The following MACC1 variants were observed in gnomAD, a reference collection of about 807,000 sequenced individuals.
The protein encoded by MACC1 is metastasis-associated in colon cancer protein 1.
MACC1 carries 79 observed loss-of-function variants against 70.7 expected under a neutral mutation model. That is an observed-to-expected ratio of 1.12 (90% CI 0.93 to 1.35). The LOEUF (loss-of-function observed/expected upper bound fraction) is 1.35, where lower values mean the gene tolerates loss of function less well. MACC1 is among the 40% of genes most tolerant of loss of function. The pLI is 0.00. For missense variants in MACC1, 1,106 were observed against 978.1 expected (o/e 1.13, Z -1.74); for synonymous variants, 361 against 347.2 (o/e 1.04, Z -0.44).
intron 1 of MACC1, among the ~76,000 whole-genome samples, chr7:20,207,340 C>T (rs112326842): frequency 0.012 from 1,811 of 150,870 alleles, 45 homozygotes; most frequent in African/African-American, 0.042. Flanking sequence ...TTAGTAGAGA[C>T]GGGGTTTCAC....
intron 1 of MACC1, among the ~76,000 whole-genome samples, chr7:20,188,294 G>C (rs1350440832): frequency 3.3e-5 from 5 of 152,108 alleles, no homozygotes; most frequent in African/African-American, 4.8e-5. Context: ...TTGACTTCCT[G>C]TATTTGAACC....
intron 1 of MACC1, among the ~76,000 whole-genome samples, chr7:20,193,236 G>A (rs1009836248): frequency 2.6e-5 from 4 of 152,216 alleles, no homozygotes; most frequent in African/African-American, 9.6e-5. Flanking sequence ...TAACCTAAAT[G>A]TTTGGTAATG....
chr7:20,201,561 TAGC>T (rs1344391789), intron 1 of MACC1, among the ~76,000 whole-genome samples: 1 of 152,158 alleles, frequency 6.6e-6, no homozygotes, highest in African/African-American at 2.4e-5. Context: ...ACTTGAACTT[TAGC>T]CTAAAGAAGA....
intron 3 of MACC1, among the ~76,000 whole-genome samples, chr7:20,163,240 A>C (rs1429509987): frequency 1.3e-5 from 2 of 152,238 alleles, no homozygotes; most frequent in Non-Finnish European, 2.9e-5. Context: ...ATTTTTACCT[A>C]TGAAATTTGC....
intron 2 of MACC1, among the ~76,000 whole-genome samples, chr7:20,166,693 TA>T (rs1782225215): frequency 6.6e-6 from 1 of 152,218 alleles, no homozygotes; most frequent in Non-Finnish European, 1.5e-5. Flanking sequence ...CATTAAGCGG[TA>T]TTAGAAATCC....
chr7:20,188,429 T>C (rs1175850248), intron 1 of MACC1, among the ~76,000 whole-genome samples: 2 of 152,332 alleles, frequency 1.3e-5, no homozygotes, highest in East Asian at 1.9e-4. Flanking sequence ...GTAAAAACTC[T>C]CTTGCATCTC....
At chr7:20,162,055 A>C (rs1457734488) in intron 3 of MACC1, among the ~76,000 whole-genome samples, 185 bp from the exon 4 acceptor site, 2 of 152,078 alleles carry the variant, frequency 1.3e-5, no homozygotes, top group African/African-American at 4.8e-5. Context: ...ACTCCACTAA[A>C]AAATGATCAA....
chr7:20,176,309 G>T (rs1409227887), intron 1 of MACC1, among the ~76,000 whole-genome samples: 1 of 151,902 alleles, frequency 6.6e-6, no homozygotes, highest in African/African-American at 2.4e-5. Context: ...AAATAAAAGA[G>T]AAGTCTATAC....
intron 1 of MACC1, among the ~76,000 whole-genome samples, chr7:20,213,609 A>G (rs1323009373): frequency 5.3e-5 from 8 of 152,190 alleles, no homozygotes; most frequent in African/African-American, 1.9e-4. Context: ...AAAGAACAAG[A>G]TCATGTATTT....
intron 6 of MACC1, chr7:20,153,418 C>T (rs1387965799): frequency 6.6e-6 from 1 of 152,198 alleles, no homozygotes; most frequent in Non-Finnish European, 1.5e-5. Context: ...TTTCCTTAAA[C>T]ATAAATATCT....
chr7:20,186,632 G>T (rs1036091545), intron 1 of MACC1, among the ~76,000 whole-genome samples: 1 of 151,162 alleles, frequency 6.6e-6, no homozygotes, highest in African/African-American at 2.4e-5. Context: ...AATGTCTAAG[G>T]AATTAGTTTG....
chr7:20,158,544 A>G lies in MACC1; in HGVS notation c.1817T>C (p.Ile606Thr), dbSNP rs779262511. The change falls in exon 5 of 7, where the codon ATT becomes ACT. Residue 606 changes from isoleucine (I) to threonine (T), a missense_variant. Coordinates refer to ENST00000400331, the MANE Select transcript of MACC1 (RefSeq NM_182762.4). ...EWYVGVLRGKIGLVHCKNVKV... is the reference protein window; with the variant it reads ...EWYVGVLRGKTGLVHCKNVKV... The stretch of plus-strand genomic sequence containing the variant: ...GACATTTTTGCAGTGTACAAGTCCA[A>G]TCTTACCTCTGAGGACTCCTACATA... 5.0e-6 allele frequency: 8 copies of G among 1,614,010 alleles called. No individual in the cohort carries two copies. Among genetic ancestry groups the G allele is most frequent in the African/African-American group, 2.7e-5 (2 of 74,934 alleles).
rs1478090608 is a variant in MACC1, at chr7:20,164,267, C to G, written c.-20G>C. 2.0e-5 allele frequency: 3 copies of G among 152,186 alleles called. No individual in the cohort carries two copies. Among genetic ancestry groups the G allele is most frequent in the Admixed American group, 1.3e-4 (2 of 15,268 alleles). The allele number at this position is 152,186 out of a possible 1,614,324, so 9.4% of individuals were successfully genotyped here. A position where few individuals can be genotyped will look rare whatever the true frequency, so the allele number is the denominator to read the frequency against. On this transcript the variant is annotated 5_prime_UTR_variant, in exon 3 of 7. Transcript: ENST00000400331. ...ACTTTAAACCTTACTTTTTGTTCTC[C>G]TTTGTGTGTGTTGACCACATCTCGT...
chr7:20,171,303 G>C (rs954036076), intron 1 of MACC1, among the ~76,000 whole-genome samples: 1 of 151,076 alleles, frequency 6.6e-6, no homozygotes, highest in Non-Finnish European at 1.5e-5. Flanking sequence ...CCAGGCTGGA[G>C]TGCAGTGGCG....
intron 6 of MACC1, chr7:20,141,892 G>T (rs1353435044): frequency 6.6e-6 from 1 of 151,790 alleles, no homozygotes; most frequent in Non-Finnish European, 1.5e-5. Context: ...AGGGAGAATA[G>T]AGACAAAGGC....
In MACC1 at chr7:20,137,112, G is replaced by C. The variant is rs1186039557; in HGVS notation, c.*3834C>G. Reference sequence around the variant, plus strand: ...TTTATATTACCTCAAAAATTCCTTAGATATAAACAATTACAGAAAACATAA... The same window carrying C: ...TTTATATTACCTCAAAAATTCCTTACATATAAACAATTACAGAAAACATAA... On this transcript the variant is annotated 3_prime_UTR_variant, in exon 7 of 7. Transcript: ENST00000400331. 6.6e-6 allele frequency: 1 copy of C among 151,802 alleles called. No homozygotes were observed. Among genetic ancestry groups the C allele is most frequent in the East Asian group, 1.9e-4 (1 of 5,196 alleles). 9.4% of individuals were successfully genotyped at this position (151,802 alleles called of 1,614,324 possible). A position where few individuals can be genotyped will look rare whatever the true frequency, so the allele number is the denominator to read the frequency against.
chr7:20,179,574 A>G (rs571866146), intron 1 of MACC1, among the ~76,000 whole-genome samples: 9 of 152,178 alleles, frequency 5.9e-5, no homozygotes, highest in Non-Finnish European at 8.8e-5. Flanking sequence ...AAGCCTGGTG[A>G]ACAGTTCAGT....
Position 20,159,761 on chromosome 7 carries a change from C to G in MACC1, c.600G>C (p.Gln200His). The G allele has an allele frequency of 6.2e-7, 1 of 1,614,088 alleles. No homozygotes were observed. The change falls in exon 5 of 7, where the codon CAG (glutamine) becomes CAC (histidine). Residue 200 changes from glutamine to histidine, a missense_variant. Transcript: ENST00000400331. ...RSCLDLNTIS[Q>H]SPGWAQTQLA... is the part of the protein sequence containing the mutation. ...GTTGTGTCTGGGCCCATCCAGGGCT[C>G]TGACTAATTGTATTCAAATCAAGGC...
intron 1 of MACC1, among the ~76,000 whole-genome samples, chr7:20,207,909 CCCATGTGTCATGGGAGGGA>C (rs1334720122): frequency 6.6e-6 from 1 of 152,042 alleles, no homozygotes; most frequent in Non-Finnish European, 1.5e-5. Context: ...CCCCATAATC[CCCATGTGTCATGGGAGGGA>C]CCCTGTGGGA....
Sources: gnomAD v4.1 joint callset for allele counts (sites outside exome capture counted in the v4.1 genomes callset) on GRCh38, gnomAD v4.1.1 for gene constraint, MANE v1.5 for transcripts, NCBI Gene and HGNC (gene_info 2026-07-23, HGNC 2026-07-21) for gene names.